Variants in KLRG1 observed in about 807,000 individuals in gnomAD.
KLRG1 encodes the protein killer cell lectin-like receptor subfamily G member 1.
In KLRG1, 16 loss-of-function variants were observed where a neutral mutation model predicts 21.8. The observed-to-expected ratio is 0.73, with a 90% CI of 0.50 to 1.11. The LOEUF (loss-of-function observed/expected upper bound fraction) is 1.11. Among genes scored for constraint, KLRG1 ranks in the 50% most tolerant of loss-of-function variants. The pLI is 0.00. For synonymous variants in KLRG1, 69 were observed against 75.9 expected (o/e 0.91, Z 0.47); for missense variants, 173 against 218.3 (o/e 0.79, Z 1.31).
rs140916165 is a variant in KLRG1 at position 8,979,066 on chromosome 12, G to A, written c.-155-13140G>A. The stretch of plus-strand genomic sequence containing the variant: ...ATCTTGCTCTGTCACCCAGACTGGA[G>A]TGCAATGGTGCAATGTCAGCTCACT... On this transcript the variant is annotated intron_variant, in intron 1 of 4. Coordinates refer to the KLRG1 transcript ENST00000539240. Among the ~76,000 whole-genome samples the A allele has an allele frequency of 3.6e-3, 531 of 148,626 alleles. 3 individuals carry two copies. Among genetic ancestry groups the A allele is most frequent in the Middle Eastern group, 0.018 (5 of 282 alleles).
the KLRG1 span, among the ~76,000 whole-genome samples, chr12:9,017,262 C>G: frequency 2.6e-5 from 1 of 38,850 alleles, no homozygotes; most frequent in Non-Finnish European, 4.6e-5. Flanking sequence ...GAAACTCCAT[C>G]TCAAAAAAAA....
chr12:9,174,237 T>C, the KLRG1 span, among the ~76,000 whole-genome samples: 28 of 152,312 alleles, frequency 1.8e-4, 2 homozygotes, highest in East Asian at 5.8e-4. Context: ...CACATGGTTA[T>C]CTCAATAGGT....
the KLRG1 span, chr12:9,166,034 G>A: frequency 6.3e-7 from 1 of 1,586,160 alleles, no homozygotes; most frequent in Non-Finnish European, 8.5e-7. Flanking sequence ...GCAAATGGAG[G>A]AAAGTAAAGT....
chr12:9,069,757 A>C, the KLRG1 span: 8 of 1,612,376 alleles, frequency 5.0e-6, no homozygotes, highest in Non-Finnish European at 6.8e-6. Context: ...TATCAAGGTA[A>C]ATCAAGACAT....
the KLRG1 span, among the ~76,000 whole-genome samples, chr12:9,078,825 T>C: frequency 1.3e-5 from 2 of 152,244 alleles, no homozygotes; most frequent in Non-Finnish European, 2.9e-5. Flanking sequence ...TATATTACTG[T>C]TTCCTTCTCA....
At chr12:9,039,131 G>A in the KLRG1 span, among the ~76,000 whole-genome samples, 2 of 152,134 alleles carry the variant, frequency 1.3e-5, no homozygotes, top group Non-Finnish European at 2.9e-5. Context: ...TCAATAAGTT[G>A]GTCATATGTA....
At chr12:9,172,162 G>A in the KLRG1 span, among the ~76,000 whole-genome samples, 1 of 152,192 alleles carries the variant, frequency 6.6e-6, no homozygotes. Flanking sequence ...AACCATGGAA[G>A]CCAGAAGAAA....
chr12:9,092,277 G>A, the KLRG1 span, among the ~76,000 whole-genome samples: 1 of 152,230 alleles, frequency 6.6e-6, no homozygotes, highest in Non-Finnish European at 1.5e-5. Flanking sequence ...TTTACAGCTC[G>A]TACCTAAGGG....
the KLRG1 span, chr12:9,077,019 A>G: frequency 3.6e-6 from 5 of 1,379,578 alleles, no homozygotes; most frequent in Non-Finnish European, 4.8e-6. Flanking sequence ...ATCACAGCAC[A>G]GAAGTTTTTC....
the KLRG1 span, chr12:9,192,597 C>T: frequency 6.2e-7 from 1 of 1,614,210 alleles, no homozygotes; most frequent in Non-Finnish European, 8.5e-7. Flanking sequence ...CGTGTGGCCA[C>T]AGGGCAGGGT....
the KLRG1 span, chr12:9,079,937 G>T: frequency 9.4e-7 from 1 of 1,066,842 alleles, no homozygotes; most frequent in Non-Finnish European, 1.3e-6. Context: ...GATTCTTCCA[G>T]GGATAGAAGT....
At position 8,972,626 on chromosome 12, in the gene KLRG1, C is replaced by T. The variant is rs150989934; in HGVS notation, c.-155-19580C>T. On this transcript the variant is annotated intron_variant, in intron 1 of 4. Coordinates refer to the KLRG1 transcript ENST00000539240. The stretch of plus-strand genomic sequence containing the variant: ...GTCAAAGATCATTTAACTGTAAATA[C>T]GTGGATTTGTTGTTGTGCTCCCTAT... Among the ~76,000 whole-genome samples the T allele has an allele frequency of 1.3e-4, 20 of 152,222 alleles. No individual in the cohort carries two copies. In the East Asian group the frequency reaches 2.7e-3, roughly 21 times the overall value.
At chr12:9,153,996 G>A in the KLRG1 span, among the ~76,000 whole-genome samples, 7 of 152,176 alleles carry the variant, frequency 4.6e-5, no homozygotes, top group African/African-American at 1.7e-4. Context: ...GCACTCTCAG[G>A]GAAAGTAGAA....
chr12:9,184,507 T>C, the KLRG1 span, among the ~76,000 whole-genome samples: 2 of 152,160 alleles, frequency 1.3e-5, no homozygotes, highest in Admixed American at 1.3e-4. Flanking sequence ...TATGAATGCC[T>C]GCACAAAGGC....
chr12:9,172,776 AC>A, the KLRG1 span, among the ~76,000 whole-genome samples: 1 of 152,206 alleles, frequency 6.6e-6, no homozygotes, highest in African/African-American at 2.4e-5. Flanking sequence ...AGAAGAGCTA[AC>A]TATCCTAAAT....
At chr12:8,954,655 G>A (rs1385726604) in intron 1 of KLRG1, among the ~76,000 whole-genome samples, 1 of 152,108 alleles carries the variant, frequency 6.6e-6, no homozygotes, top group Non-Finnish European at 1.5e-5. Flanking sequence ...TACGAGTTGT[G>A]TTTGTTGCTA....
chr12:9,149,659 G>C, the KLRG1 span: 2 of 1,555,478 alleles, frequency 1.3e-6, no homozygotes, highest in Non-Finnish European at 1.8e-6. Flanking sequence ...TAGGGACCAT[G>C]CTAAATCTGT....
At chr12:9,077,348 T>G in the KLRG1 span, 12 of 1,612,658 alleles carry the variant, frequency 7.4e-6, no homozygotes, top group Non-Finnish European at 1.0e-5. Context: ...GTACCTACAG[T>G]GACTGTGAGA....
the KLRG1 span, chr12:9,109,968 G>T: frequency 6.2e-7 from 1 of 1,613,794 alleles, no homozygotes; most frequent in Non-Finnish European, 8.5e-7. Flanking sequence ...GAGGGGAAAA[G>T]AAAATTGCTT....
Sources: gnomAD v4.1 joint callset for allele counts (sites outside exome capture counted in the v4.1 genomes callset) on GRCh38, gnomAD v4.1.1 for gene constraint, MANE v1.5 for transcripts, NCBI Gene and HGNC (gene_info 2026-07-23, HGNC 2026-07-21) for gene names.